The following SPIDR variants were observed in gnomAD, a reference collection of about 807,000 sequenced individuals.
The protein encoded by SPIDR is scaffold protein involved in DNA repair.
A neutral mutation model predicts 104.6 loss-of-function variants in SPIDR; 93 were observed. The observed-to-expected ratio is 0.89, with a 90% CI of 0.75 to 1.06. The LOEUF (loss-of-function observed/expected upper bound fraction) is 1.06, where lower values mean the gene tolerates loss of function less well. Among genes scored for constraint, SPIDR ranks in the 50% least tolerant of loss-of-function variants. The probability of loss-of-function intolerance (pLI) is 0.00; values close to 1 mark genes in which losing one functional copy is unlikely to be tolerated. For synonymous variants in SPIDR, 431 were observed against 416.9 expected, an observed-to-expected ratio of 1.03 and a Z score of -0.41; for missense variants, 1,154 against 1,111.2, an observed-to-expected ratio of 1.04 and a Z score of -0.55.
chr8:47,383,003 G>T (rs902618), intron 5 of SPIDR, among the ~76,000 whole-genome samples: 48 of 152,248 alleles, frequency 3.2e-4, no homozygotes, highest in African/African-American at 1.1e-3. Context: ...TTAACTCCTA[G>T]TATACAGCCT....
At chr8:47,571,639 C>CCACTA (rs2058539501) in intron 8 of SPIDR, among the ~76,000 whole-genome samples, 1 of 152,084 alleles carries the variant, frequency 6.6e-6, no homozygotes, top group African/African-American at 2.4e-5. Flanking sequence ...ATACTAGTGC[C>CCACTA]GCCTTATTCA....
chr8:47,677,323 A>G lies in SPIDR; in HGVS notation c.1685+3382A>G, dbSNP rs538764768. Among the ~76,000 whole-genome samples, 41 of 152,366 alleles carry G rather than the reference A, an allele frequency of 2.7e-4. No individual in the cohort carries two copies. The South Asian group carries it at 8.5e-3, about 32-fold the overall frequency. ...TTATATGCTTTTATTTGTATTTGCCAGGGCAATACTGAGAAAAAGAAAAGA... is the reference window on the plus strand; with the variant it reads ...TTATATGCTTTTATTTGTATTTGCCGGGGCAATACTGAGAAAAAGAAAAGA... On this transcript the variant is annotated intron_variant, in intron 11 of 19. Transcript: ENST00000297423.
chr8:47,494,160 T>A (rs2079110822), intron 8 of SPIDR, among the ~76,000 whole-genome samples: 2 of 152,048 alleles, frequency 1.3e-5, no homozygotes, highest in Non-Finnish European at 2.9e-5. Flanking sequence ...GGCTAGTTTT[T>A]AAATTTTTCA....
intron 8 of SPIDR, among the ~76,000 whole-genome samples, chr8:47,445,784 A>G (rs1418316600): frequency 6.6e-6 from 1 of 152,232 alleles, no homozygotes; most frequent in Non-Finnish European, 1.5e-5. Flanking sequence ...ATATGGAGAA[A>G]GTTTGAGTTG....
At chr8:47,518,741 A>G (rs1044297304) in intron 8 of SPIDR, among the ~76,000 whole-genome samples, 1 of 150,620 alleles carries the variant, frequency 6.6e-6, no homozygotes, top group Non-Finnish European at 1.5e-5. Flanking sequence ...AGTTCACGCC[A>G]TTCTCCTGCC....
In SPIDR at chr8:47,440,521, C is replaced by G; in HGVS notation, c.1076C>G (p.Thr359Ser). The change falls in exon 8 of 20, where the codon ACT (threonine) becomes AGT (serine). Residue 359 changes from threonine (T) to serine (S), a missense_variant. Physicochemically the swap from Thr to Ser is moderately conservative, Grantham distance 58 (BLOSUM62 1). Coordinates refer to ENST00000297423, the MANE Select transcript of SPIDR (RefSeq NM_001080394.4). Reference sequence around the variant, plus strand: ...TACCTCAGGGGCCGTCCCCAGGACACTGTCCGGATCTTCCCTCCCTGGTGA... The same window carrying G: ...TACCTCAGGGGCCGTCCCCAGGACAGTGTCCGGATCTTCCCTCCCTGGTGA... ...AGYLRGRPQDTVRIFPPWQKL... is the reference protein window; with the variant it reads ...AGYLRGRPQDSVRIFPPWQKL... The G allele has an allele frequency of 6.2e-7, 1 of 1,614,064 alleles. No homozygotes were observed. Among genetic ancestry groups the G allele is most frequent in the Non-Finnish European group, 8.5e-7 (1 of 1,179,926 alleles).
chr8:47,587,707 C>T (rs1016484716), intron 8 of SPIDR, among the ~76,000 whole-genome samples: 5 of 150,344 alleles, frequency 3.3e-5, no homozygotes, highest in Non-Finnish European at 5.9e-5. Flanking sequence ...GCAGGAAGAT[C>T]ACCTGATCCC....
chr8:47,516,243 C>T (rs1351696008), intron 8 of SPIDR, among the ~76,000 whole-genome samples: 2 of 152,074 alleles, frequency 1.3e-5, no homozygotes, highest in Non-Finnish European at 2.9e-5. Context: ...CATACCCAGC[C>T]TCATGAAATG....
chr8:47,583,455 GC>G (rs1417858850), intron 8 of SPIDR, among the ~76,000 whole-genome samples: 1 of 152,116 alleles, frequency 6.6e-6, no homozygotes, highest in Non-Finnish European at 1.5e-5. Flanking sequence ...AGCTAAACAT[GC>G]TGAATGTTCA....
chr8:47,550,261 T>G (rs2090220547), intron 8 of SPIDR, among the ~76,000 whole-genome samples: 1 of 152,230 alleles, frequency 6.6e-6, no homozygotes, highest in Non-Finnish European at 1.5e-5. Flanking sequence ...TCCTTTTTGG[T>G]TCCATATGAA....
chr8:47,469,690 G>C (rs1165347921), intron 8 of SPIDR, among the ~76,000 whole-genome samples: 1 of 152,160 alleles, frequency 6.6e-6, no homozygotes, highest in Non-Finnish European at 1.5e-5. Flanking sequence ...TTGACACACA[G>C]AGAGGAACAA....
chr8:47,302,380 A>G (rs994227943), intron 5 of SPIDR, among the ~76,000 whole-genome samples: 4 of 151,972 alleles, frequency 2.6e-5, no homozygotes, highest in Admixed American at 2.0e-4. Flanking sequence ...CTTCTTTGCC[A>G]TGGGTTCGAA....
intron 8 of SPIDR, among the ~76,000 whole-genome samples, chr8:47,453,827 C>T (rs1280995064): frequency 1.3e-5 from 2 of 152,126 alleles, no homozygotes; most frequent in African/African-American, 4.8e-5. Flanking sequence ...AGGGTATGAA[C>T]AGACACTTCT....
chr8:47,731,565 T>G (rs1051145768), intron 19 of SPIDR, among the ~76,000 whole-genome samples: 5 of 152,190 alleles, frequency 3.3e-5, no homozygotes, highest in African/African-American at 1.2e-4. Flanking sequence ...GGCAAAGACA[T>G]CCCACAGAGG....
chr8:47,551,824 T>G (rs532715671), intron 8 of SPIDR, among the ~76,000 whole-genome samples: 16 of 152,190 alleles, frequency 1.1e-4, no homozygotes, highest in South Asian at 6.2e-4. Context: ...TTTTGAATTT[T>G]TTTGCTCTTG....
chr8:47,721,351 G>A, intron 16 of SPIDR, among the ~76,000 whole-genome samples: 1 of 152,072 alleles, frequency 6.6e-6, no homozygotes, highest in East Asian at 1.9e-4. Context: ...TGAAAAGACT[G>A]TTCTTTCTCC....
chr8:47,610,482 G>A (rs1478347569), intron 10 of SPIDR, among the ~76,000 whole-genome samples: 1 of 152,216 alleles, frequency 6.6e-6, no homozygotes, highest in Admixed American at 6.5e-5. Flanking sequence ...CTCTAGCTGA[G>A]CCACCGCACC....
chr8:47,410,188 CT>C (rs568380022), intron 7 of SPIDR, among the ~76,000 whole-genome samples: 9,912 of 146,026 alleles, frequency 0.068, 348 homozygotes, highest in African/African-American at 0.089. Context: ...TTTATTTTAC[CT>C]TTTTTTTTTT....
At chr8:47,275,684 C>G (rs1239061272) in intron 1 of SPIDR, among the ~76,000 whole-genome samples, 1 of 152,090 alleles carries the variant, frequency 6.6e-6, no homozygotes, top group Non-Finnish European at 1.5e-5. Context: ...TCAGAAGACT[C>G]TAATAGGGTA....
Sources: allele counts gnomAD v4.1 joint callset (sites outside exome capture counted in the v4.1 genomes callset), GRCh38; gene constraint gnomAD v4.1.1; transcripts MANE v1.5; gene names NCBI Gene and HGNC (gene_info 2026-07-23, HGNC 2026-07-21).